The following ZNF292 variants were observed in gnomAD, a reference collection of about 807,000 sequenced individuals.
ZNF292 encodes the protein 16 zinc-finger domain protein.
A neutral mutation model predicts 217.9 loss-of-function variants in ZNF292; 26 were observed. That is an observed-to-expected ratio of 0.12 (90% CI 0.09 to 0.17). ZNF292 has a LOEUF of 0.17. Among genes scored for constraint, ZNF292 ranks in the 10% least tolerant of loss-of-function variants. The pLI is 1.00. For missense variants in ZNF292, 2,904 were observed against 3,175.2 expected (o/e 0.91, Z 2.05); for synonymous variants, 1,257 against 1,124.1 (o/e 1.12, Z -2.37).
At chr6:87,231,704 T>C (rs1269129359) in intron 4 of ZNF292, among the ~76,000 whole-genome samples, 2 of 152,194 alleles carry the variant, frequency 1.3e-5, no homozygotes, top group Admixed American at 1.3e-4. Context: ...AGGGCCTATT[T>C]GAGATTGGGA....
chr6:87,184,272 G>T (rs1253607579), intron 1 of ZNF292, among the ~76,000 whole-genome samples: 1 of 152,202 alleles, frequency 6.6e-6, no homozygotes, highest in African/African-American at 2.4e-5. Context: ...CTTTTTGCCT[G>T]CATTTTCACT....
At chr6:87,182,557 A>T (rs1771502083) in intron 1 of ZNF292, among the ~76,000 whole-genome samples, 2 of 152,236 alleles carry the variant, frequency 1.3e-5, no homozygotes, top group African/African-American at 4.8e-5. Flanking sequence ...TATTAGTGCT[A>T]ACTTGTTACT....
At chr6:87,252,140 GT>G (rs11385021) in intron 7 of ZNF292, among the ~76,000 whole-genome samples, 2 of 147,536 alleles carry the variant, frequency 1.4e-5, no homozygotes, top group African/African-American at 2.5e-5. Context: ...TTTGTTGTTT[GT>G]TTTTTTTTTG....
Position 87,219,454 on chromosome 6 carries a change from C to T in ZNF292, c.538+723C>T, listed in dbSNP as rs149053196. Among the ~76,000 whole-genome samples, 349 of 152,150 alleles carry T rather than the reference C, an allele frequency of 2.3e-3. 2 individuals are homozygous for T. The highest frequency in any genetic ancestry group is 7.9e-3 in the African/African-American group (326 of 41,502). On this transcript the variant is annotated intron_variant, in intron 4 of 7. Transcript: ENST00000369577. ...TGTATTTACCACTGTAAGCTTCTTC[C>T]GTCATTTATTGCTGCTTTTCTTGTT...
At chr6:87,186,142 C>T (rs745352610) in intron 1 of ZNF292, among the ~76,000 whole-genome samples, 1 of 152,144 alleles carries the variant, frequency 6.6e-6, no homozygotes, top group South Asian at 2.1e-4. Context: ...ATGTCCAGCC[C>T]CTGTCCTCAA....
chr6:87,200,976 A>G (rs1337792037), intron 1 of ZNF292, among the ~76,000 whole-genome samples: 2 of 152,192 alleles, frequency 1.3e-5, no homozygotes, highest in Non-Finnish European at 2.9e-5. Context: ...ATATGGGGAA[A>G]CAAGTGTCTC....
chr6:87,232,563 A>G (rs910556262), intron 4 of ZNF292, among the ~76,000 whole-genome samples: 4 of 152,140 alleles, frequency 2.6e-5, no homozygotes, highest in African/African-American at 4.8e-5. Context: ...TCCTTCATAA[A>G]TACAAAAAAT....
chr6:87,194,033 T>TAACC (rs1477705954), intron 1 of ZNF292, among the ~76,000 whole-genome samples: 1 of 152,078 alleles, frequency 6.6e-6, no homozygotes, highest in Non-Finnish European at 1.5e-5. Flanking sequence ...GGAAATAAAC[T>TAACC]AACCAACCTA....
intron 1 of ZNF292, among the ~76,000 whole-genome samples, chr6:87,174,883 A>T (rs375592520): frequency 6.6e-6 from 1 of 152,192 alleles, no homozygotes; most frequent in East Asian, 1.9e-4. Context: ...TGTTTCTAAA[A>T]ATTTATTGAG....
At position 87,256,361 on chromosome 6, in the gene ZNF292, G is replaced by C; in HGVS notation, c.2732G>C (p.Arg911Thr). The change falls in exon 8 of 8, where the codon AGG becomes ACG. Residue 911 changes from arginine (R) to threonine (T), a missense_variant. Transcript: ENST00000369577. ...KQDQISASELRQANGPLSNGL... is the reference protein window; with the variant it reads ...KQDQISASELTQANGPLSNGL... Reference sequence around the variant, plus strand: ...GACCAGATTTCTGCCTCTGAGCTCAGGCAAGCTAATGGACCATTGTCAAAT... The same window carrying C: ...GACCAGATTTCTGCCTCTGAGCTCACGCAAGCTAATGGACCATTGTCAAAT... 6.2e-7 allele frequency: 1 copy of C among 1,611,058 alleles called. No individual in the cohort carries two copies. The highest frequency in any genetic ancestry group is 1.1e-5 in the South Asian group (1 of 91,082).
Position 87,259,062 on chromosome 6 carries a change from G to A in ZNF292, c.5433G>A (p.Pro1811=), listed in dbSNP as rs371724711. The change falls in exon 8 of 8, where the codon CCG becomes CCA. Residue 1811 remains proline (P), a synonymous_variant. Coordinates refer to ENST00000369577, the MANE Select transcript of ZNF292 (RefSeq NM_015021.3). ...ATAACAAATTACCCGATTCTTCTCC[G>A]TTTTCCTCCTTTATAAGTGTCATGC... ...VQNNKLPDSS[P]FSSFISVMPT... 1.1e-4 allele frequency: 185 copies of A among 1,613,080 alleles called. No homozygotes were observed. Among genetic ancestry groups the A allele is most frequent in the Middle Eastern group, 3.3e-4 (2 of 6,082 alleles).
intron 4 of ZNF292, among the ~76,000 whole-genome samples, chr6:87,228,276 T>A (rs1773465380): frequency 6.6e-6 from 1 of 152,176 alleles, no homozygotes; most frequent in African/African-American, 2.4e-5. Context: ...TTTAACTGGA[T>A]TTTTTTGTTG....
intron 5 of ZNF292, among the ~76,000 whole-genome samples, chr6:87,239,008 A>G (rs1375766971): frequency 6.6e-6 from 1 of 152,274 alleles, no homozygotes; most frequent in African/African-American, 2.4e-5. Context: ...GTAAGGTCAT[A>G]GATCAACAGC....
rs781005428 is a variant in ZNF292 at position 87,257,515 on chromosome 6, C to T, written c.3886C>T (p.His1296Tyr). ...VFSQLENNTN[H>Y]YSSQIEGNTN... is the part of the protein sequence containing the mutation. ...TTCCCAACTGGAAAATAATACAAAT[C>T]ATTATTCCTCACAGATTGAAGGAAA... The change falls in exon 8 of 8, where the codon CAT becomes TAT. Residue 1296 changes from histidine (H) to tyrosine (Y), a missense_variant. This residue lies in a region of ZNF292 where 687 missense variants were observed against 623.0 expected (regional missense o/e 1.10). Coordinates refer to ENST00000369577, the MANE Select transcript of ZNF292 (RefSeq NM_015021.3). The T allele has an allele frequency of 1.2e-6, 2 of 1,609,496 alleles. No homozygotes were observed. Among genetic ancestry groups the T allele is most frequent in the South Asian group, 1.1e-5 (1 of 90,318 alleles).
chr6:87,253,721 C>G (rs977871420), intron 7 of ZNF292, among the ~76,000 whole-genome samples: 9 of 152,242 alleles, frequency 5.9e-5, no homozygotes, highest in African/African-American at 1.7e-4. Flanking sequence ...ATATTTTCTT[C>G]TTAACTTAAT....
chr6:87,245,166 G>C (rs530614616), intron 6 of ZNF292, among the ~76,000 whole-genome samples: 1 of 152,032 alleles, frequency 6.6e-6, no homozygotes, highest in Non-Finnish European at 1.5e-5. Flanking sequence ...GCTTGAACCC[G>C]GGAGGCAAGG....
intron 4 of ZNF292, among the ~76,000 whole-genome samples, chr6:87,232,420 A>C (rs1205348977): frequency 6.6e-6 from 1 of 152,140 alleles, no homozygotes; most frequent in East Asian, 1.9e-4. Flanking sequence ...TTATTCATGG[A>C]GCATTTTAAA....
rs1457087238 is a variant in ZNF292 at position 87,255,053 on chromosome 6, A to G, written c.1424A>G (p.Asp475Gly). The G allele has an allele frequency of 6.2e-6, 10 of 1,613,782 alleles. No homozygotes were observed. In the South Asian group the frequency reaches 9.9e-5, roughly 16 times the overall value. ...GTGTCTTCAATAGATGAACTAAATG[A>G]CAGTGAAGTATATGAAAAAGTGGTA... is the stretch of plus-strand genomic sequence containing the variant. Reference protein sequence around the residue: ...SIVSSIDELNDSEVYEKVVDY... With the variant: ...SIVSSIDELNGSEVYEKVVDY... Residue 475 changes from aspartate to glycine, a missense_variant, in exon 8 of 8, where the codon GAC becomes GGC. Asp to Gly is a moderately conservative substitution (Grantham distance 94). This residue lies in a region of ZNF292 where 87 missense variants were observed against 99.6 expected (regional missense o/e 0.87). Coordinates refer to ENST00000369577, the MANE Select transcript of ZNF292 (RefSeq NM_015021.3).
In ZNF292 at chr6:87,239,288, G is replaced by A. The variant is rs535610261; in HGVS notation, c.742-4187G>A. Among the ~76,000 whole-genome samples the A allele has an allele frequency of 3.6e-3, 547 of 151,854 alleles. 2 individuals are homozygous for A. The highest frequency in any genetic ancestry group is 0.013 in the African/African-American group (526 of 41,442). ...AAGGCACCCCTCACCTCCCGGACGG[G>A]GCGCCAGCTGGGCAGAGGCGCCCCC... On this transcript the variant is annotated intron_variant, in intron 5 of 7. Coordinates refer to ENST00000369577, the MANE Select transcript of ZNF292 (RefSeq NM_015021.3).
Sources: allele counts gnomAD v4.1 joint callset (sites outside exome capture counted in the v4.1 genomes callset), GRCh38; gene constraint gnomAD v4.1.1; regional missense constraint gnomAD v4.1.1; transcripts MANE v1.5; gene names NCBI Gene and HGNC (gene_info 2026-07-23, HGNC 2026-07-21).